DLEU7: variants seen among roughly 807,000 people sequenced by gnomAD.
The protein encoded by DLEU7 is leukemia-associated protein 7.
A neutral mutation model predicts 16.0 loss-of-function variants in DLEU7; 17 were observed. The observed-to-expected ratio is 1.06, with a 90% CI of 0.73 to 1.59. DLEU7 has a LOEUF of 1.59. Ranked by LOEUF, DLEU7 falls within the 40% of genes most tolerant of loss-of-function variation. DLEU7 has a pLI of 0.00. For missense variants in DLEU7, 308 were observed against 314.9 expected (o/e 0.98, Z 0.17); for synonymous variants, 113 against 139.8 (o/e 0.81, Z 1.35).
chr13:50,778,450 CCTT>C (rs1444627733), intron 1 of DLEU7, among the ~76,000 whole-genome samples: 13 of 152,296 alleles, frequency 8.5e-5, no homozygotes, highest in East Asian at 5.8e-4. Context: ...GCTGCTTCCT[CCTT>C]CTTCTTTCCA....
At chr13:50,818,645 T>C (rs1876803682), downstream of DLEU7, 1 of 152,166 alleles carries the variant, frequency 6.6e-6, no homozygotes. Flanking sequence ...CTGGGTGGCT[T>C]CTAACAATGG....
At chr13:50,789,705 A>G (rs1401763334) in intron 1 of DLEU7, among the ~76,000 whole-genome samples, 1 of 152,162 alleles carries the variant, frequency 6.6e-6, no homozygotes, top group Non-Finnish European at 1.5e-5. Flanking sequence ...AAATTATAGA[A>G]TGTTAGCCCT....
At chr13:50,715,212 G>A (rs762064728) in intron 1 of DLEU7, among the ~76,000 whole-genome samples, 24 of 152,148 alleles carry the variant, frequency 1.6e-4, no homozygotes, top group Non-Finnish European at 3.1e-4. Flanking sequence ...TCTGACTTTC[G>A]TCGGGAAATG....
intron 1 of DLEU7, among the ~76,000 whole-genome samples, chr13:50,738,503 G>A (rs557560253): frequency 6.6e-6 from 1 of 151,990 alleles, no homozygotes; most frequent in Non-Finnish European, 1.5e-5. Context: ...CTGCACCCAG[G>A]GTAGGCCCTC....
At chr13:50,831,414 G>A (rs1178359663) in intron 1 of DLEU7, among the ~76,000 whole-genome samples, 1 of 152,154 alleles carries the variant, frequency 6.6e-6, no homozygotes, top group Non-Finnish European at 1.5e-5. Context: ...ATGGAGGAAC[G>A]CATTATTTGG....
At chr13:50,756,795 GT>G (rs1275585804) in intron 1 of DLEU7, among the ~76,000 whole-genome samples, 1 of 152,124 alleles carries the variant, frequency 6.6e-6, no homozygotes, top group African/African-American at 2.4e-5. Context: ...TTCCTGTGGT[GT>G]TTTCCCCCAT....
chr13:50,842,000 C>T (rs959426946), intron 1 of DLEU7, among the ~76,000 whole-genome samples: 2 of 151,658 alleles, frequency 1.3e-5, no homozygotes, highest in African/African-American at 2.4e-5. Flanking sequence ...CAACTTGCGG[C>T]GAGGAATATG....
At chr13:50,768,392 C>T (rs1200126975) in intron 1 of DLEU7, among the ~76,000 whole-genome samples, 2 of 109,146 alleles carry the variant, frequency 1.8e-5, no homozygotes, top group African/African-American at 2.8e-5. Context: ...CCCATTAACT[C>T]GTCATTTATA....
At chr13:50,730,391 C>T (rs112246221) in intron 1 of DLEU7, among the ~76,000 whole-genome samples, 180 of 152,210 alleles carry the variant, frequency 1.2e-3, no homozygotes, top group African/African-American at 3.9e-3. Context: ...ATATTTCCCT[C>T]ATTGCTTATC....
intron 1 of DLEU7, among the ~76,000 whole-genome samples, chr13:50,720,455 T>A (rs1033682380): frequency 2.2e-4 from 34 of 152,200 alleles, no homozygotes; most frequent in Admixed American, 6.5e-4. Context: ...ATTTGGGGAA[T>A]GTGATGATGT....
At chr13:50,842,964 GT>G (rs1489955638) in intron 1 of DLEU7, among the ~76,000 whole-genome samples, 1 of 151,928 alleles carries the variant, frequency 6.6e-6, no homozygotes. Context: ...CCACATCTCG[GT>G]TGTGCCAGCC....
chr13:50,779,533 C>T (rs548741990), intron 1 of DLEU7, among the ~76,000 whole-genome samples: 21 of 152,270 alleles, frequency 1.4e-4, no homozygotes, highest in Admixed American at 5.2e-4. Flanking sequence ...CTATCACATA[C>T]GACTGAGCAA....
intron 1 of DLEU7, among the ~76,000 whole-genome samples, chr13:50,763,325 A>T (rs1259687252): frequency 6.6e-6 from 1 of 152,190 alleles, no homozygotes; most frequent in Non-Finnish European, 1.5e-5. Context: ...ATTTTAGGAA[A>T]ATCAGTCTAG....
intron 1 of DLEU7, among the ~76,000 whole-genome samples, chr13:50,831,303 G>C (rs923017109): frequency 6.6e-6 from 1 of 152,188 alleles, no homozygotes; most frequent in African/African-American, 2.4e-5. Flanking sequence ...GAGGCCATCA[G>C]TAAGCTTTTT....
intron 1 of DLEU7, among the ~76,000 whole-genome samples, chr13:50,717,192 C>A (rs2761841): frequency 0.08 from 12,177 of 152,152 alleles, 550 homozygotes; most frequent in East Asian, 0.15. Flanking sequence ...GAGCCCTTTG[C>A]CTTGAGGCCA....
chr13:50,733,288 G>A (rs1873971467), intron 1 of DLEU7, among the ~76,000 whole-genome samples: 1 of 152,160 alleles, frequency 6.6e-6, no homozygotes, highest in African/African-American at 2.4e-5. Flanking sequence ...TTTTTAACCA[G>A]CCTGAGAACC....
intron 1 of DLEU7, among the ~76,000 whole-genome samples, chr13:50,838,821 GAGAC>G (rs1265396750): frequency 1.3e-5 from 2 of 152,190 alleles, no homozygotes; most frequent in Non-Finnish European, 2.9e-5. Flanking sequence ...GTTATAAGAA[GAGAC>G]ACCAAAGACA....
At chr13:50,841,796 CAT>C (rs1278978003) in intron 1 of DLEU7, among the ~76,000 whole-genome samples, 4 of 149,118 alleles carry the variant, frequency 2.7e-5, no homozygotes, top group Admixed American at 1.3e-4. Flanking sequence ...AATGGTGTAT[CAT>C]AGTTCAATGA....
intron 1 of DLEU7, among the ~76,000 whole-genome samples, chr13:50,807,627 G>C (rs1031327593): frequency 6.6e-6 from 1 of 152,014 alleles, no homozygotes; most frequent in Non-Finnish European, 1.5e-5. Flanking sequence ...ACTTTGAAAG[G>C]CTATTGTAAG....
Sources: gnomAD v4.1 joint callset for allele counts (sites outside exome capture counted in the v4.1 genomes callset) on GRCh38, gnomAD v4.1.1 for gene constraint, MANE v1.5 for transcripts, NCBI Gene and HGNC (gene_info 2026-07-23, HGNC 2026-07-21) for gene names.